GPC3: variants seen among roughly 807,000 people sequenced by gnomAD.
GPC3 encodes the protein glypican 3.
Under a neutral mutation model 34.4 loss-of-function variants are expected in GPC3, and 3 were observed. The observed-to-expected ratio is 0.09, with a 90% CI of 0.04 to 0.23. GPC3 has a LOEUF of 0.23. Among genes scored for constraint, GPC3 ranks in the 10% least tolerant of loss-of-function variants. The pLI, the probability that GPC3 is intolerant of heterozygous loss-of-function variation, is 1.00. For synonymous variants in GPC3, 177 were observed against 174.0 expected, an observed-to-expected ratio of 1.02 and a Z score of -0.13; for missense variants, 351 against 445.6, an observed-to-expected ratio of 0.79 and a Z score of 1.91.
Position 133,910,432 on chromosome X carries a change from T to G in GPC3, c.337+42618A>C, listed in dbSNP as rs373177917. The stretch of plus-strand genomic sequence containing the variant: ...CAGAATGGAAAAAAAAAGGCAGACT[T>G]GAGTGCTAGTTCCAGCTTTTACCAA... On this transcript the variant is annotated intron_variant, in intron 2 of 7. Coordinates refer to ENST00000370818, the MANE Select transcript of GPC3 (RefSeq NM_004484.4). Among the ~76,000 whole-genome samples the G allele has an allele frequency of 4.2e-4, 47 of 111,438 alleles. No homozygotes were observed. In the South Asian group the frequency reaches 9.6e-3, roughly 23 times the overall value.
intron 1 of GPC3, among the ~76,000 whole-genome samples, chrX:133,984,622 C>T (rs780569178): frequency 9.0e-6 from 1 of 111,433 alleles, no homozygotes; most frequent in East Asian, 2.8e-4. Flanking sequence ...CCAGCAGCAC[C>T]GGTTTTAAAG....
rs1034308909 is a variant in GPC3 at position 133,682,982 on chromosome X, A to G, written c.1292+9387T>C. Among the ~76,000 whole-genome samples the G allele has an allele frequency of 1.4e-4, 15 of 109,563 alleles. No individual in the cohort carries two copies. In the Admixed American group the frequency reaches 1.5e-3, roughly 11 times the overall value. ...ACTCTGACTCAAAAAAAAAAAAAAA[A>G]AAATCCATCTGGATCATTCTAAAGA... is the stretch of plus-strand genomic sequence containing the variant. On this transcript the variant is annotated intron_variant, in intron 5 of 7. Coordinates refer to ENST00000370818, the MANE Select transcript of GPC3 (RefSeq NM_004484.4).
intron 2 of GPC3, among the ~76,000 whole-genome samples, chrX:133,949,627 T>TC (rs2076383653): frequency 1.8e-5 from 2 of 112,269 alleles, no homozygotes; most frequent in South Asian, 7.5e-4. Flanking sequence ...AGTGGTATCT[T>TC]GGGGAAATCT....
At chrX:133,537,626 T>C (rs746803654) in intron 7 of GPC3, among the ~76,000 whole-genome samples, 3 of 111,826 alleles carry the variant, frequency 2.7e-5, no homozygotes, top group African/African-American at 9.7e-5. Context: ...AAAAGGTCTA[T>C]TGCAATCTAT....
Position 133,858,528 on chromosome X carries a change from A to G in GPC3, c.337+94522T>C, listed in dbSNP as rs185588273. On this transcript the variant is annotated intron_variant, in intron 2 of 7. Coordinates refer to ENST00000370818, the MANE Select transcript of GPC3 (RefSeq NM_004484.4). Reference sequence around the variant, plus strand: ...TGCCCCAGCATTAGTCTGGGGTCAGATTAATTTCTGACTGCAGATTAATTT... The same window carrying G: ...TGCCCCAGCATTAGTCTGGGGTCAGGTTAATTTCTGACTGCAGATTAATTT... Among the ~76,000 whole-genome samples, 653 of 111,529 alleles carry G rather than the reference A, an allele frequency of 5.9e-3. 3 individuals carry two copies. The highest frequency in any genetic ancestry group is 6.0e-3 in the Non-Finnish European group (316 of 53,068).
At chrX:133,681,335 G>T (rs1428825970) in intron 5 of GPC3, among the ~76,000 whole-genome samples, 1 of 111,978 alleles carries the variant, frequency 8.9e-6, no homozygotes, top group Non-Finnish European at 1.9e-5. Flanking sequence ...CTCTAAGGTT[G>T]TAAGTTTAAA....
intron 3 of GPC3, among the ~76,000 whole-genome samples, chrX:133,749,888 T>TC (rs2071647011): frequency 9.0e-6 from 1 of 111,029 alleles, no homozygotes; most frequent in Non-Finnish European, 1.9e-5. Flanking sequence ...CAGCTCCGAC[T>TC]CCCCCTCGCC....
At chrX:133,760,831 C>T (rs895187569) in intron 2 of GPC3, among the ~76,000 whole-genome samples, 19 of 111,412 alleles carry the variant, frequency 1.7e-4, no homozygotes, top group Admixed American at 9.5e-5. Context: ...ACAAATGTAC[C>T]AAACTAATGC....
chrX:133,696,499 G>A (rs1419139160), intron 4 of GPC3, among the ~76,000 whole-genome samples: 1 of 112,332 alleles, frequency 8.9e-6, no homozygotes, highest in Non-Finnish European at 1.9e-5. Flanking sequence ...TCTGCTTATA[G>A]TTGTAAAAGA....
chrX:133,734,489 A>G lies in GPC3; in HGVS notation c.1032+18993T>C, dbSNP rs1164988643. 2.7e-5 allele frequency among the ~76,000 whole-genome samples: 3 copies of G among 110,271 alleles called. No homozygotes were observed. The East Asian group carries it at 8.5e-4, about 31-fold the overall frequency. On this transcript the variant is annotated intron_variant, in intron 3 of 7. Coordinates refer to ENST00000370818, the MANE Select transcript of GPC3 (RefSeq NM_004484.4). ...ACCTAAAATCAGGAAAAAGACAGGG[A>G]TATCCATTGTTGCTAGTTCTATTTG...
Position 133,850,198 on chromosome X carries a change from T to TTG in GPC3, c.338-96023_338-96022insCA, listed in dbSNP as rs1556329509. On this transcript the variant is annotated intron_variant, in intron 2 of 7. Coordinates refer to ENST00000370818, the MANE Select transcript of GPC3 (RefSeq NM_004484.4). The stretch of plus-strand genomic sequence containing the variant: ...TTTGTTTGTTTTTTGGGTTTTGTTT[T>TTG]TTTTTTTTTTTTTTTGGTAAATAAA... Among the ~76,000 whole-genome samples, 4 of 101,500 alleles carry TTG rather than the reference T, an allele frequency of 3.9e-5. No homozygotes were observed. In the East Asian group the frequency reaches 1.2e-3, roughly 30 times the overall value. The allele number at this position is 101,500 out of a possible 115,157, so 88.1% of individuals were successfully genotyped here. A position where few individuals can be genotyped will look rare whatever the true frequency, so the allele number is the denominator to read the frequency against.
intron 2 of GPC3, among the ~76,000 whole-genome samples, chrX:133,935,672 T>C (rs2076320272): frequency 9.0e-6 from 1 of 111,533 alleles, no homozygotes; most frequent in African/African-American, 3.3e-5. Context: ...TTTTTAAAGT[T>C]TGTTGAATGC....
chrX:133,935,272 G>A (rs1241787373), intron 2 of GPC3, among the ~76,000 whole-genome samples: 1 of 111,625 alleles, frequency 9.0e-6, no homozygotes, highest in East Asian at 2.8e-4. Flanking sequence ...AAACAAAAGT[G>A]ATTCTTAGAG....
chrX:133,670,024 G>C (rs763390119), intron 5 of GPC3, among the ~76,000 whole-genome samples: 1 of 111,872 alleles, frequency 8.9e-6, no homozygotes, highest in Admixed American at 9.5e-5. Context: ...AACAGAAAAG[G>C]AACCTCATTA....
At chrX:133,600,682 A>G (rs924598655) in intron 6 of GPC3, among the ~76,000 whole-genome samples, 1 of 111,540 alleles carries the variant, frequency 9.0e-6, no homozygotes, top group Admixed American at 9.5e-5. Context: ...GTAATGGGTC[A>G]GAGAGGAGGA....
chrX:133,555,763 G>C (rs976520285), intron 7 of GPC3, among the ~76,000 whole-genome samples: 1 of 108,971 alleles, frequency 9.2e-6, no homozygotes, highest in African/African-American at 3.4e-5. Flanking sequence ...GAGAGGCAGA[G>C]ACTGCAGTGA....
chrX:133,880,426 G>A (rs1005384787), intron 2 of GPC3, among the ~76,000 whole-genome samples: 3 of 111,625 alleles, frequency 2.7e-5, no homozygotes, highest in East Asian at 2.8e-4. Flanking sequence ...CTCTCCTACC[G>A]TTTCATAGTA....
intron 2 of GPC3, among the ~76,000 whole-genome samples, chrX:133,844,251 T>G (rs1330068846): frequency 8.9e-6 from 1 of 112,275 alleles, no homozygotes; most frequent in African/African-American, 3.2e-5. Flanking sequence ...AACTGTATAC[T>G]TGAAATTTGC....
At chrX:133,894,102 C>T (rs1033577584) in intron 2 of GPC3, among the ~76,000 whole-genome samples, 11 of 111,704 alleles carry the variant, frequency 9.8e-5, no homozygotes, top group Admixed American at 9.5e-4. Flanking sequence ...CTCGGCCTAC[C>T]AAAGTCCTGG....
Sources: gnomAD v4.1 joint callset for allele counts (sites outside exome capture counted in the v4.1 genomes callset) on GRCh38, gnomAD v4.1.1 for gene constraint, MANE v1.5 for transcripts, NCBI Gene and HGNC (gene_info 2026-07-23, HGNC 2026-07-21) for gene names.